KLHL8: variants seen among roughly 807,000 people sequenced by gnomAD.
KLHL8 encodes the protein kelch like family member 8, also known as kelch-like protein 8.
KLHL8 carries 38 observed loss-of-function variants against 63.5 expected under a neutral mutation model. That is an observed-to-expected ratio of 0.60 (90% confidence interval 0.46 to 0.78). KLHL8 has a LOEUF of 0.78. KLHL8 is among the 30% of genes least tolerant of loss of function. KLHL8 has a pLI of 0.00. For missense variants in KLHL8, 566 were observed against 752.4 expected (o/e 0.75, Z 2.90); for synonymous variants, 224 against 254.3 (o/e 0.88, Z 1.13).
chr4:87,211,602 G>A (rs1732407369), intron 1 of KLHL8, among the ~76,000 whole-genome samples: 1 of 152,126 alleles, frequency 6.6e-6, no homozygotes, highest in Non-Finnish European at 1.5e-5. Context: ...GACCAGCCTG[G>A]ACAACAAAGC....
At chr4:87,181,272 C>T (rs923581610) in intron 4 of KLHL8, among the ~76,000 whole-genome samples, 2 of 101,714 alleles carry the variant, frequency 2.0e-5, no homozygotes, top group Non-Finnish European at 2.1e-5. Context: ...AGTAAAAATA[C>T]AAAAAAAAAA....
At chr4:87,229,068 AC>A (rs2110069234) in intron 1 of KLHL8, among the ~76,000 whole-genome samples, 1 of 152,312 alleles carries the variant, frequency 6.6e-6, no homozygotes, top group South Asian at 2.1e-4. Context: ...CAGAAGAAAA[AC>A]TTTTAGCCTG....
At chr4:87,192,863 A>T (rs772532259) in intron 2 of KLHL8, among the ~76,000 whole-genome samples, 4 of 152,200 alleles carry the variant, frequency 2.6e-5, no homozygotes, top group Non-Finnish European at 5.9e-5. Context: ...ATATCTAAAC[A>T]TATAAACATA....
At chr4:87,204,664 C>A (rs1262915821) in intron 1 of KLHL8, among the ~76,000 whole-genome samples, 2 of 152,212 alleles carry the variant, frequency 1.3e-5, no homozygotes, top group Non-Finnish European at 2.9e-5. Context: ...CATGCAACAA[C>A]CTGGATGAAT....
intron 1 of KLHL8, among the ~76,000 whole-genome samples, chr4:87,199,932 C>T (rs1320713176): frequency 6.6e-6 from 1 of 151,560 alleles, no homozygotes; most frequent in Non-Finnish European, 1.5e-5. Flanking sequence ...TTGTTTGAGC[C>T]CCAGGAGTTC....
At chr4:87,182,550 T>A (rs1731095671) in intron 4 of KLHL8, among the ~76,000 whole-genome samples, 1 of 152,140 alleles carries the variant, frequency 6.6e-6, no homozygotes, top group Non-Finnish European at 1.5e-5. Context: ...ATGTCTCAAA[T>A]ATGTTACGCT....
At chr4:87,190,836 C>A (rs1483291673) in intron 2 of KLHL8, among the ~76,000 whole-genome samples, 1 of 152,134 alleles carries the variant, frequency 6.6e-6, no homozygotes, top group Admixed American at 6.5e-5. Context: ...TTCTTTGTGT[C>A]TTCAGATGGT....
rs546059849 is a variant in KLHL8 at position 87,214,373 on chromosome 4, T to C, written c.-152+6045A>G. On this transcript the variant is annotated intron_variant, in intron 1 of 9. Transcript: ENST00000273963. ...AAATAATAGTATCAACCTCATAGGA[T>C]TGCTATAAAACTTAAATGAGTTAAC... Among the ~76,000 whole-genome samples, 10 of 136,656 alleles carry C rather than the reference T, an allele frequency of 7.3e-5. No homozygotes were observed. The East Asian group carries it at 2.0e-3, about 27-fold the overall frequency. The allele number at this position is 136,656 out of a possible 152,430, so 89.7% of individuals were successfully genotyped here. A position where few individuals can be genotyped will look rare whatever the true frequency, so the allele number is the denominator to read the frequency against.
chr4:87,178,504 G>A lies in KLHL8; in HGVS notation c.1069C>T (p.Arg357Ter), dbSNP rs757903142. ...TCCACAGAGATTACACCCACATGTC[G>A]CCTTCGACTATTCATTTCTGGTCCA... ...FFGPEMNSRR[R>*]HVGVISVEGK... The change falls in exon 5 of 10, where the codon CGA becomes TGA. Residue 357 changes from arginine to a stop codon, truncating the protein, a stop_gained. Coordinates refer to ENST00000273963, the MANE Select transcript of KLHL8 (RefSeq NM_020803.5). LOFTEE classifies it high-confidence loss of function. 7 of 1,610,790 alleles carry A rather than the reference G, an allele frequency of 4.3e-6. No individual in the cohort carries two copies. The highest frequency in any genetic ancestry group is 1.3e-5 in the African/African-American group (1 of 74,644).
At chr4:87,172,247 C>T (rs1730662825) in intron 6 of KLHL8, among the ~76,000 whole-genome samples, 1 of 152,076 alleles carries the variant, frequency 6.6e-6, no homozygotes. Context: ...GACTTGTAGC[C>T]AACAGCCAAT....
At chr4:87,186,481 C>CTT (rs753634845) in intron 2 of KLHL8, among the ~76,000 whole-genome samples, 4 of 134,602 alleles carry the variant, frequency 3.0e-5, no homozygotes, top group African/African-American at 8.1e-5. Flanking sequence ...ATTGTAAGTG[C>CTT]TTTTTTTTTT....
chr4:87,183,004 C>T (rs1042680299), intron 4 of KLHL8, among the ~76,000 whole-genome samples, 199 bp downstream of exon 4: 7 of 152,054 alleles, frequency 4.6e-5, no homozygotes, highest in Admixed American at 2.0e-4. Context: ...GGACTGATTA[C>T]GGCTTTTTAA....
intron 1 of KLHL8, among the ~76,000 whole-genome samples, chr4:87,214,534 A>AT (rs954898473): frequency 3.4e-5 from 5 of 148,532 alleles, no homozygotes; most frequent in African/African-American, 9.9e-5. Context: ...TAAAATTCCT[A>AT]TTTTTTTGCA....
intron 1 of KLHL8, among the ~76,000 whole-genome samples, chr4:87,229,809 C>A (rs897057688): frequency 3.3e-5 from 5 of 151,582 alleles, no homozygotes. Context: ...CAGCTCACTG[C>A]GAGCTCCACC....
intron 4 of KLHL8, among the ~76,000 whole-genome samples, chr4:87,181,313 G>A (rs1270906974): frequency 1.3e-5 from 2 of 151,790 alleles, no homozygotes; most frequent in African/African-American, 4.8e-5. Context: ...CGGCGTGGTG[G>A]GGCACACAAG....
rs753353196 is a variant in KLHL8 at position 87,164,091 on chromosome 4, A to C, written c.1538-12T>G. On this transcript the variant is annotated splice_polypyrimidine_tract_variant and intron_variant, in intron 8 of 9. Coordinates refer to ENST00000273963, the MANE Select transcript of KLHL8 (RefSeq NM_020803.5). ...ATCATCAAAACCACCTATGTAAAGA[A>C]ATATTTTAAAAACAGCATTACATTC... The C allele has an allele frequency of 1.9e-6, 3 of 1,605,772 alleles. No individual in the cohort carries two copies. Among genetic ancestry groups the C allele is most frequent in the South Asian group, 2.2e-5 (2 of 90,836 alleles).
intron 1 of KLHL8, among the ~76,000 whole-genome samples, chr4:87,205,906 A>AT (rs1355576402): frequency 6.6e-6 from 1 of 152,224 alleles, no homozygotes; most frequent in Non-Finnish European, 1.5e-5. Flanking sequence ...AGCCTGTGCT[A>AT]TTAACTACCA....
chr4:87,174,549 G>A (rs771797997), intron 6 of KLHL8, among the ~76,000 whole-genome samples: 1 of 152,110 alleles, frequency 6.6e-6, no homozygotes, highest in Non-Finnish European at 1.5e-5. Context: ...AAAGTGCTGG[G>A]ATTACAGGCA....
rs139306305 is a variant in KLHL8 at position 87,185,386 on chromosome 4, C to T, written c.630G>A (p.Pro210=). ...VECEDFVSVS[P]QHLHKLLSSS... is the part of the protein sequence containing the mutation. ...AGGACAAAAGCTTATGGAGGTGCTGCGGTGATACACTTACAAAGTCTTCAC... is the reference window on the plus strand; with the variant it reads ...AGGACAAAAGCTTATGGAGGTGCTGTGGTGATACACTTACAAAGTCTTCAC... The change falls in exon 3 of 10, where the codon CCG becomes CCA. Residue 210 remains proline (P), a synonymous_variant. Coordinates refer to ENST00000273963, the MANE Select transcript of KLHL8 (RefSeq NM_020803.5). 2.2e-5 allele frequency: 35 copies of T among 1,613,980 alleles called. No individual in the cohort carries two copies. The highest frequency in any genetic ancestry group is 1.3e-4 in the African/African-American group (10 of 74,896).
Sources: allele counts gnomAD v4.1 joint callset (sites outside exome capture counted in the v4.1 genomes callset), GRCh38; gene constraint gnomAD v4.1.1; transcripts MANE v1.5; gene names NCBI Gene and HGNC (gene_info 2026-07-23, HGNC 2026-07-21).